MACROD2: variants seen among roughly 807,000 people sequenced by gnomAD.
The protein encoded by MACROD2 is mono-ADP ribosylhydrolase 2.
MACROD2 carries 36 observed loss-of-function variants against 70.4 expected under a neutral mutation model. That is an observed-to-expected ratio of 0.51 (90% CI 0.39 to 0.68). MACROD2 has a LOEUF of 0.68. Among genes scored for constraint, MACROD2 ranks in the 30% least tolerant of loss-of-function variants. The pLI is 0.00. For missense variants in MACROD2, 496 were observed against 538.4 expected (o/e 0.92, Z 0.78); for synonymous variants, 172 against 178.8 (o/e 0.96, Z 0.30).
chr20:14,723,832 A>G (rs2071497586), intron 5 of MACROD2, among the ~76,000 whole-genome samples: 1 of 152,074 alleles, frequency 6.6e-6, no homozygotes, highest in Non-Finnish European at 1.5e-5. Context: ...TCATTCTCGT[A>G]AAAGAAACCT....
In MACROD2 at chr20:14,504,627, C is replaced by T. The variant is rs375980711; in HGVS notation, c.301+11119C>T. 1.4e-4 allele frequency among the ~76,000 whole-genome samples: 22 copies of T among 152,258 alleles called. No individual in the cohort carries two copies. The East Asian group carries it at 2.5e-3, about 17-fold the overall frequency. ...TTCTCATCCTCTGGAAATAGCTTTA[C>T]CCCTCAGAGTTATTTCCTGGGAATA... On this transcript the variant is annotated intron_variant, in intron 4 of 17. Transcript: ENST00000684519.
intron 2 of MACROD2, among the ~76,000 whole-genome samples, chr20:14,074,285 G>A (rs1057301183): frequency 6.6e-6 from 1 of 152,102 alleles, no homozygotes; most frequent in African/African-American, 2.4e-5. Context: ...TTTAACTGCT[G>A]TCCAGCTCTA....
Position 15,545,566 on chromosome 20 carries a change from C to A in MACROD2, c.645+45719C>A, listed in dbSNP as rs531740765. 1.7e-3 allele frequency among the ~76,000 whole-genome samples: 256 copies of A among 152,166 alleles called. 1 individual carries two copies. Among genetic ancestry groups the A allele is most frequent in the African/African-American group, 5.9e-3 (246 of 41,536 alleles). The stretch of plus-strand genomic sequence containing the variant: ...AATCATAGGGTCACCTTTAAAATTC[C>A]TAATTTTTCTTTTTGTCTTCTCTTT... On this transcript the variant is annotated intron_variant, in intron 8 of 17. Coordinates refer to ENST00000684519, the MANE Select transcript of MACROD2 (RefSeq NM_001351661.2).
chr20:15,220,956 C>T (rs1010912147), intron 5 of MACROD2, among the ~76,000 whole-genome samples: 2 of 152,098 alleles, frequency 1.3e-5, no homozygotes, highest in East Asian at 1.9e-4. Context: ...CTTGTCCAGG[C>T]GTGTGGTGGC....
intron 8 of MACROD2, among the ~76,000 whole-genome samples, chr20:15,750,772 A>G (rs1374249503): frequency 6.6e-6 from 1 of 151,974 alleles, no homozygotes; most frequent in East Asian, 1.9e-4. Flanking sequence ...TTAATCAACA[A>G]TGAAAAACTA....
intron 8 of MACROD2, among the ~76,000 whole-genome samples, chr20:15,545,413 G>T (rs767730710): frequency 6.6e-6 from 1 of 152,060 alleles, no homozygotes; most frequent in Admixed American, 6.5e-5. Context: ...TTTTTGTTCC[G>T]TAATGATATT....
At chr20:15,143,618 G>A (rs466844) in intron 5 of MACROD2, among the ~76,000 whole-genome samples, 134,083 of 152,052 alleles carry the variant, frequency 0.88, 59,271 homozygotes, top group East Asian at 1. Flanking sequence ...TTTTAATCTT[G>A]TTAAGTACTA....
At chr20:14,195,225 G>A (rs1301857066) in intron 3 of MACROD2, among the ~76,000 whole-genome samples, 1 of 152,140 alleles carries the variant, frequency 6.6e-6, no homozygotes, top group African/African-American at 2.4e-5. Flanking sequence ...TAAAAAGAAA[G>A]TTGTCAAAAA....
intron 6 of MACROD2, among the ~76,000 whole-genome samples, chr20:15,263,074 G>T (rs897081999): frequency 6.6e-6 from 1 of 151,942 alleles, no homozygotes; most frequent in Non-Finnish European, 1.5e-5. Flanking sequence ...TTTTGCTTTG[G>T]TTGTCTGTGC....
intron 8 of MACROD2, among the ~76,000 whole-genome samples, chr20:15,572,186 T>A (rs1485916606): frequency 6.6e-6 from 1 of 152,100 alleles, no homozygotes; most frequent in Non-Finnish European, 1.5e-5. Context: ...TTCACTCAGA[T>A]TTCTCAGGTA....
At chr20:14,430,132 GGT>G (rs1448172779) in intron 3 of MACROD2, among the ~76,000 whole-genome samples, 1 of 152,148 alleles carries the variant, frequency 6.6e-6, no homozygotes, top group Non-Finnish European at 1.5e-5. Flanking sequence ...ATCAGTGAGT[GGT>G]TCAGTTTAAC....
intron 16 of MACROD2, among the ~76,000 whole-genome samples, chr20:16,042,245 C>T (rs140711287): frequency 1.1e-3 from 173 of 152,132 alleles, no homozygotes; most frequent in African/African-American, 4.1e-3. Flanking sequence ...CATGGGCATG[C>T]ATTGCCTGTG....
At chr20:15,499,534 A>G (rs1427603737) in intron 7 of MACROD2, among the ~76,000 whole-genome samples, 2 of 152,228 alleles carry the variant, frequency 1.3e-5, no homozygotes, top group African/African-American at 4.8e-5. Context: ...GATTAGAGAC[A>G]CAATTAAATT....
At chr20:14,383,469 T>A (rs1354543775) in intron 3 of MACROD2, among the ~76,000 whole-genome samples, 1 of 152,190 alleles carries the variant, frequency 6.6e-6, no homozygotes, top group Non-Finnish European at 1.5e-5. Flanking sequence ...CTGTCTTTCA[T>A]GTTAAATTGC....
intron 3 of MACROD2, among the ~76,000 whole-genome samples, chr20:14,379,196 AG>A (rs1306284631): frequency 6.6e-6 from 1 of 152,202 alleles, no homozygotes; most frequent in Non-Finnish European, 1.5e-5. Context: ...ATAACTTACC[AG>A]GGTCGTATAA....
rs200464102 is a variant in MACROD2, at chr20:14,828,956, CT to C, written c.418+144011del. Among the ~76,000 whole-genome samples, 589 of 140,250 alleles carry C rather than the reference CT, an allele frequency of 4.2e-3. 1 individual carries two copies. The highest frequency in any genetic ancestry group is 0.015 in the Middle Eastern group (4 of 266). 92.0% of individuals were successfully genotyped at this position (140,250 alleles called of 152,430 possible). A position where few individuals can be genotyped will look rare whatever the true frequency, so the allele number is the denominator to read the frequency against. On this transcript the variant is annotated intron_variant, in intron 5 of 17. Transcript: ENST00000684519. ...GATGGTCCAGAACTATTTTTTCCTT[CT>C]TTTTTTTTTTTTTCTATTTAATGTT... is the stretch of plus-strand genomic sequence containing the variant.
chr20:15,670,835 C>T (rs1872069414), intron 8 of MACROD2, among the ~76,000 whole-genome samples: 1 of 152,146 alleles, frequency 6.6e-6, no homozygotes, highest in Non-Finnish European at 1.5e-5. Context: ...GTGAAGAGGT[C>T]AAGGTTTCAG....
At chr20:15,465,629 A>T (rs577382818) in intron 7 of MACROD2, among the ~76,000 whole-genome samples, 1 of 152,370 alleles carries the variant, frequency 6.6e-6, no homozygotes, top group South Asian at 2.1e-4. Context: ...GTTGGGCTTC[A>T]ATTCTTCTCT....
chr20:15,331,292 C>T (rs6074874), intron 6 of MACROD2, among the ~76,000 whole-genome samples: 41,839 of 151,456 alleles, frequency 0.28, 7,010 homozygotes, highest in Non-Finnish European at 0.38. Flanking sequence ...AATATTTGTT[C>T]GTTATAGATT....
Sources: allele counts gnomAD v4.1 joint callset (sites outside exome capture counted in the v4.1 genomes callset), GRCh38; gene constraint gnomAD v4.1.1; transcripts MANE v1.5; gene names NCBI Gene and HGNC (gene_info 2026-07-23, HGNC 2026-07-21).